The following FRAS1 variants were observed in gnomAD, a reference collection of about 807,000 sequenced individuals.
FRAS1 encodes the protein extracellular matrix organizing protein FRAS1.
Under a neutral mutation model 435.2 loss-of-function variants are expected in FRAS1, and 290 were observed. That is an observed-to-expected ratio of 0.67 (90% confidence interval 0.61 to 0.73). The LOEUF is 0.73. Among genes scored for constraint, FRAS1 ranks in the 30% least tolerant of loss-of-function variants. FRAS1 has a pLI of 0.00. For missense variants in FRAS1, 4,860 were observed against 5,001.5 expected (o/e 0.97, Z 0.85); for synonymous variants, 1,800 against 1,851.0 (o/e 0.97, Z 0.71).
At chr4:78,426,584 G>A (rs935454471) in intron 35 of FRAS1, among the ~76,000 whole-genome samples, 1 of 152,176 alleles carries the variant, frequency 6.6e-6, no homozygotes, top group Non-Finnish European at 1.5e-5. Flanking sequence ...ACCCATTTTG[G>A]TGAATCAGCT....
At chr4:78,194,138 T>G (rs1722687541) in intron 2 of FRAS1, among the ~76,000 whole-genome samples, 1 of 152,222 alleles carries the variant, frequency 6.6e-6, no homozygotes, top group Non-Finnish European at 1.5e-5. Flanking sequence ...TGCCGAGAGA[T>G]CAGCTGTTAG....
chr4:78,420,918 ATATT>A (rs1375498604), intron 33 of FRAS1, among the ~76,000 whole-genome samples: 29 of 118,890 alleles, frequency 2.4e-4, no homozygotes, highest in Middle Eastern at 4.2e-3. Flanking sequence ...ATATATATAT[ATATT>A]TATATAAAGG....
chr4:78,127,881 T>A (rs553450926), intron 2 of FRAS1, among the ~76,000 whole-genome samples: 1 of 151,518 alleles, frequency 6.6e-6, no homozygotes, highest in Admixed American at 6.6e-5. Flanking sequence ...TAGGTATATC[T>A]CCTAATGCTA....
chr4:78,479,740 T>G (rs777772600), intron 56 of FRAS1, 22 bp downstream of exon 56: 6 of 1,516,598 alleles, frequency 4.0e-6, no homozygotes, highest in Non-Finnish European at 4.5e-6. Flanking sequence ...TGTCTCTGAG[T>G]TTCCTTCACC....
chr4:78,115,894 C>A (rs1418702591), intron 2 of FRAS1, among the ~76,000 whole-genome samples: 1 of 151,838 alleles, frequency 6.6e-6, no homozygotes, highest in Non-Finnish European at 1.5e-5. Flanking sequence ...TTTTCTCTTG[C>A]TTCTCTAGTT....
intron 14 of FRAS1, among the ~76,000 whole-genome samples, chr4:78,307,048 G>A (rs552225928): frequency 1.7e-3 from 265 of 152,234 alleles, no homozygotes; most frequent in African/African-American, 6.2e-3. Flanking sequence ...TTTTTGGTGT[G>A]GATGTCCTTT....
At chr4:78,486,638 T>C (rs1334790245) in intron 58 of FRAS1, among the ~76,000 whole-genome samples, 3 of 152,112 alleles carry the variant, frequency 2.0e-5, no homozygotes, top group African/African-American at 7.2e-5. Flanking sequence ...AAATAATATA[T>C]ATGAAAACCT....
chr4:78,423,064 A>G (rs1733853230), intron 34 of FRAS1, among the ~76,000 whole-genome samples: 1 of 152,200 alleles, frequency 6.6e-6, no homozygotes, highest in African/African-American at 2.4e-5. Flanking sequence ...TGATCCAGTC[A>G]TCAAGGTTGC....
chr4:78,212,464 A>G (rs1578187740), intron 2 of FRAS1, among the ~76,000 whole-genome samples: 2 of 152,136 alleles, frequency 1.3e-5, no homozygotes, highest in South Asian at 4.1e-4. Flanking sequence ...CATCTGCACA[A>G]AGGCAATAAA....
intron 2 of FRAS1, among the ~76,000 whole-genome samples, chr4:78,124,764 A>T (rs1719243459): frequency 6.6e-6 from 1 of 152,108 alleles, no homozygotes; most frequent in Non-Finnish European, 1.5e-5. Context: ...ATTTGCATAG[A>T]GGTGTTTATA....
At chr4:78,440,890 C>T (rs1734631068) in intron 40 of FRAS1, among the ~76,000 whole-genome samples, 1 of 152,136 alleles carries the variant, frequency 6.6e-6, no homozygotes, top group African/African-American at 2.4e-5. Context: ...TGGGCTAGAG[C>T]TGCTTTATAA....
At chr4:78,487,942 A>C (rs1283122662) in intron 58 of FRAS1, among the ~76,000 whole-genome samples, 2 of 152,194 alleles carry the variant, frequency 1.3e-5, no homozygotes, top group Non-Finnish European at 2.9e-5. Flanking sequence ...CCATGATTTG[A>C]CTACGGTCTC....
chr4:78,146,896 T>G (rs1456372650), intron 2 of FRAS1, among the ~76,000 whole-genome samples: 1 of 152,194 alleles, frequency 6.6e-6, no homozygotes, highest in African/African-American at 2.4e-5. Flanking sequence ...TGTTTAGTTT[T>G]CTATGTGTTT....
intron 2 of FRAS1, among the ~76,000 whole-genome samples, chr4:78,093,136 C>T (rs1392393778): frequency 1.3e-5 from 2 of 152,176 alleles, no homozygotes; most frequent in African/African-American, 2.4e-5. Context: ...GCTCACATTC[C>T]TGTCTTGATT....
Position 78,065,965 on chromosome 4 carries a change from T to C in FRAS1, c.77-20T>C, listed in dbSNP as rs1170602273. ...TTTATTATGCATCCCTTTTAATTCT[T>C]GTTTTGTTTTTCCCCACAGGTGCTT... On this transcript the variant is annotated intron_variant, in intron 1 of 73. Transcript: ENST00000512123. 1 of 1,596,596 alleles carries C rather than the reference T, an allele frequency of 6.3e-7. No homozygotes were observed. Among genetic ancestry groups the C allele is most frequent in the South Asian group, 1.1e-5 (1 of 90,170 alleles).
At chr4:78,511,790 C>A (rs1721051671) in intron 64 of FRAS1, among the ~76,000 whole-genome samples, 1 of 152,198 alleles carries the variant, frequency 6.6e-6, no homozygotes, top group Non-Finnish European at 1.5e-5. Context: ...ATATCTCTGC[C>A]ATGCTGTTAC....
At chr4:78,150,809 A>G (rs1163055444) in intron 2 of FRAS1, among the ~76,000 whole-genome samples, 4 of 152,230 alleles carry the variant, frequency 2.6e-5, no homozygotes, top group African/African-American at 9.6e-5. Context: ...CTGAACCCGT[A>G]TAAGAAATGA....
At chr4:78,346,657 ACTCTGCTTTCTTTTTTGT>A (rs1411356440) in intron 20 of FRAS1, among the ~76,000 whole-genome samples, 1 of 152,068 alleles carries the variant, frequency 6.6e-6, no homozygotes, top group Non-Finnish European at 1.5e-5. Flanking sequence ...TCAGTCTACA[ACTCTGCTTTCTTTTTTGT>A]TTAGAAGATT....
chr4:78,507,475 G>C lies in FRAS1; in HGVS notation c.9371G>C (p.Trp3124Ser). Residue 3124 changes from tryptophan to serine, a missense_variant, in exon 62 of 74, where the codon TGG becomes TCG. Physicochemically the swap from Trp to Ser is radical, Grantham distance 177. Coordinates refer to ENST00000512123, the MANE Select transcript of FRAS1 (RefSeq NM_025074.7). ...ATCCTGTCCAATGAAGACCGGGAAT[G>C]GCATGAATCTTTCTCACTAGTCCTT... ...VEILSNEDREWHESFSLVLGP... is the reference protein window; with the variant it reads ...VEILSNEDRESHESFSLVLGP... The C allele has an allele frequency of 6.2e-7, 1 of 1,612,708 alleles. No homozygotes were observed. Among genetic ancestry groups the C allele is most frequent in the Non-Finnish European group, 8.5e-7 (1 of 1,179,384 alleles).
Sources: gnomAD v4.1 joint callset for allele counts (sites outside exome capture counted in the v4.1 genomes callset) on GRCh38, gnomAD v4.1.1 for gene constraint, MANE v1.5 for transcripts, NCBI Gene and HGNC (gene_info 2026-07-23, HGNC 2026-07-21) for gene names.